Variants in MEGF11 observed in about 807,000 individuals in gnomAD.
The protein encoded by MEGF11 is multiple epidermal growth factor-like domains protein 11.
Under a neutral mutation model 146.6 loss-of-function variants are expected in MEGF11, and 126 were observed. The ratio of observed to expected loss-of-function variants is 0.86; its 90% CI spans 0.74 to 1.00. The LOEUF is 1.00. Ranked by LOEUF, MEGF11 falls within the 50% of genes least tolerant of loss-of-function variation. The probability of loss-of-function intolerance (pLI) is 0.00; values close to 1 mark genes in which losing one functional copy is unlikely to be tolerated. For missense variants in MEGF11, 1,509 were observed against 1,521.2 expected, an observed-to-expected ratio of 0.99 and a Z score of 0.13; for synonymous variants, 532 against 583.4, an observed-to-expected ratio of 0.91 and a Z score of 1.27.
At chr15:66,105,910 C>T (rs1384809046) in intron 4 of MEGF11, among the ~76,000 whole-genome samples, 2 of 152,190 alleles carry the variant, frequency 1.3e-5, no homozygotes, top group African/African-American at 2.4e-5. Context: ...TTTCAGTTGC[C>T]GCCACTCTGG....
intron 1 of MEGF11, among the ~76,000 whole-genome samples, chr15:66,216,352 T>C (rs34364748): frequency 0.085 from 12,989 of 152,176 alleles, 1,028 homozygotes; most frequent in African/African-American, 0.21. Flanking sequence ...GGATGCCCTA[T>C]CATTGCCCTA....
intron 1 of MEGF11, among the ~76,000 whole-genome samples, chr15:66,150,822 TCGAGAGAGAGAGAGAG>T: frequency 1.1e-5 from 1 of 90,082 alleles, no homozygotes; most frequent in African/African-American, 4.6e-5. Flanking sequence ...CAATGCCCTG[TCGAGAGAGAGAGAGAG>T]AGAGAGAGAG....
intron 5 of MEGF11, among the ~76,000 whole-genome samples, chr15:66,078,375 G>A (rs556933234): frequency 1.3e-5 from 2 of 152,270 alleles, no homozygotes; most frequent in East Asian, 1.9e-4. Flanking sequence ...CACACTTGCC[G>A]TAGCCGAGTG....
rs181530586 is a variant in MEGF11 at position 66,038,601 on chromosome 15, T to A, written c.394+55801A>T. ...GGGCGGTGTGCCAGGAGAACAGTAATGTCCCCATTTTACAGATGAAAAAAC... is the reference window on the plus strand; with the variant it reads ...GGGCGGTGTGCCAGGAGAACAGTAAAGTCCCCATTTTACAGATGAAAAAAC... On this transcript the variant is annotated intron_variant, in intron 5 of 25. Coordinates refer to ENST00000395614, the MANE Select transcript of MEGF11 (RefSeq NM_001385028.1). 2.7e-3 allele frequency among the ~76,000 whole-genome samples: 415 copies of A among 152,288 alleles called. 3 individuals carry two copies. The highest frequency in any genetic ancestry group is 9.7e-3 in the African/African-American group (403 of 41,566).
chr15:66,228,623 C>T (rs1299454297), intron 1 of MEGF11, among the ~76,000 whole-genome samples: 2 of 152,208 alleles, frequency 1.3e-5, no homozygotes, highest in African/African-American at 4.8e-5. Context: ...AGCATCCCCA[C>T]ACGACAGAAC....
rs1227190381 is a variant in MEGF11, at chr15:65,909,122, C to G, written c.2910G>C (p.Gln970His). The change falls in exon 23 of 26, where the codon CAG (glutamine) becomes CAC (histidine). Residue 970 changes from glutamine (Q) to histidine (H), a missense_variant. Gln to His is a conservative substitution (Grantham distance 24, BLOSUM62 0). Coordinates refer to ENST00000395614, the MANE Select transcript of MEGF11 (RefSeq NM_001385028.1). Reference protein sequence around the residue: ...SYVNVLDSHFQISALEARYPP... With the variant: ...SYVNVLDSHFHISALEARYPP... ...GGTACCTGGCCTCCAGGGCACTGAT[C>G]TGGAAATGGGAGTCTAGTGAGAGGA... 2 of 1,534,952 alleles carry G rather than the reference C, an allele frequency of 1.3e-6. No individual in the cohort carries two copies. Among genetic ancestry groups the G allele is most frequent in the Non-Finnish European group, 1.7e-6 (2 of 1,145,978 alleles).
rs972149112 is a variant in MEGF11, at chr15:65,895,563, T to C, written c.*2371A>G. ...ATGTTTAGGCTGACCATGAACCTAT[T>C]TGTGATGGTGTTAGACAGAAGTTTC... On this transcript the variant is annotated 3_prime_UTR_variant, in exon 26 of 26. Coordinates refer to ENST00000395614, the MANE Select transcript of MEGF11 (RefSeq NM_001385028.1). The C allele has an allele frequency of 5.2e-5, 8 of 152,646 alleles. No individual in the cohort carries two copies. The highest frequency in any genetic ancestry group is 1.9e-4 in the African/African-American group (8 of 41,454). The allele number at this position is 152,646 out of a possible 1,614,324, so 9.5% of individuals were successfully genotyped here. A position where few individuals can be genotyped will look rare whatever the true frequency, so the allele number is the denominator to read the frequency against.
intron 8 of MEGF11, among the ~76,000 whole-genome samples, chr15:65,965,789 C>T (rs989658918): frequency 1.3e-5 from 2 of 151,772 alleles, no homozygotes; most frequent in South Asian, 4.2e-4. Context: ...TTATAAATTA[C>T]TCAGTCTTGG....
At chr15:66,077,072 G>A (rs2085620971) in intron 5 of MEGF11, among the ~76,000 whole-genome samples, 1 of 152,188 alleles carries the variant, frequency 6.6e-6, no homozygotes, top group Non-Finnish European at 1.5e-5. Flanking sequence ...GCCTTCAGGG[G>A]CTCCCCATGC....
chr15:66,107,056 C>CCG (rs971793304), intron 4 of MEGF11, among the ~76,000 whole-genome samples: 11 of 140,184 alleles, frequency 7.8e-5, no homozygotes, highest in East Asian at 2.0e-4. Context: ...ATATTCCTAC[C>CCG]CCCCCACCAG....
chr15:66,029,589 G>A (rs565020427), intron 5 of MEGF11, among the ~76,000 whole-genome samples: 42 of 152,336 alleles, frequency 2.8e-4, no homozygotes, highest in African/African-American at 8.4e-4. Flanking sequence ...ACTGATGAAC[G>A]GTGGTGTGAT....
intron 4 of MEGF11, among the ~76,000 whole-genome samples, chr15:66,117,318 T>C (rs2087779572): frequency 6.6e-6 from 1 of 152,084 alleles, no homozygotes; most frequent in Non-Finnish European, 1.5e-5. Context: ...TGAAAGTGGC[T>C]TTTTGAGCTT....
chr15:66,143,130 A>G (rs2089232349), intron 1 of MEGF11, among the ~76,000 whole-genome samples: 1 of 152,236 alleles, frequency 6.6e-6, no homozygotes, highest in South Asian at 2.1e-4. Flanking sequence ...TAAACATTCG[A>G]TAACTAATCT....
chr15:65,908,615 C>T (rs2078700792), intron 23 of MEGF11, among the ~76,000 whole-genome samples: 1 of 152,234 alleles, frequency 6.6e-6, no homozygotes. Flanking sequence ...ACTGGGGTTT[C>T]TGGAGTCTCT....
chr15:66,050,556 G>A (rs1406005574), intron 5 of MEGF11, among the ~76,000 whole-genome samples: 1 of 152,186 alleles, frequency 6.6e-6, no homozygotes, highest in East Asian at 1.9e-4. Context: ...AGGATCACAC[G>A]GGGCCTTAGA....
intron 5 of MEGF11, among the ~76,000 whole-genome samples, chr15:66,014,963 GA>G (rs1250188147): frequency 1.1e-4 from 1 of 8,826 alleles, no homozygotes; most frequent in Non-Finnish European, 2.1e-3. Context: ...ACCAGCTCTA[GA>G]GGAAAAAAAA....
chr15:66,238,509 G>A (rs957771219), intron 1 of MEGF11, among the ~76,000 whole-genome samples: 31 of 152,322 alleles, frequency 2.0e-4, no homozygotes, highest in Admixed American at 1.4e-3. Context: ...GAGCCCAGGA[G>A]CACCGCCTGG....
intron 7 of MEGF11, among the ~76,000 whole-genome samples, chr15:65,977,030 G>A (rs1221562091): frequency 4.6e-5 from 7 of 151,974 alleles, no homozygotes; most frequent in Non-Finnish European, 5.9e-5. Flanking sequence ...TTAGCCGGGC[G>A]TGATGGCGGG....
Position 66,045,525 on chromosome 15 carries a change from C to T in MEGF11, c.394+48877G>A, listed in dbSNP as rs184013761. The stretch of plus-strand genomic sequence containing the variant: ...ATCTCAGCTTGATATCAATGCCCAC[C>T]CAACAGCCCATGGGCTCTACTCCAT... On this transcript the variant is annotated intron_variant, in intron 5 of 25. Transcript: ENST00000395614. Among the ~76,000 whole-genome samples, 6 of 152,320 alleles carry T rather than the reference C, an allele frequency of 3.9e-5. No individual in the cohort carries two copies. In the East Asian group the frequency reaches 1.2e-3, roughly 29 times the overall value.
Sources: gnomAD v4.1 joint callset for allele counts (sites outside exome capture counted in the v4.1 genomes callset) on GRCh38, gnomAD v4.1.1 for gene constraint, MANE v1.5 for transcripts, NCBI Gene and HGNC (gene_info 2026-07-23, HGNC 2026-07-21) for gene names.